PCDHA5: variants seen among roughly 807,000 people sequenced by gnomAD.
PCDHA5 encodes protocadherin alpha 5.
Under a neutral mutation model 61.6 loss-of-function variants are expected in PCDHA5, and 43 were observed. The ratio of observed to expected loss-of-function variants is 0.70; its 90% CI spans 0.55 to 0.90. The LOEUF is 0.90. Ranked by LOEUF, PCDHA5 falls within the 40% of genes least tolerant of loss-of-function variation. PCDHA5 has a pLI of 0.00. For synonymous variants in PCDHA5, 627 were observed against 543.9 expected (o/e 1.15, Z -2.13); for missense variants, 1,298 against 1,222.7 (o/e 1.06, Z -0.92).
Position 141,011,434 on chromosome 5 carries a change from C to A in PCDHA5, c.*1497C>A, listed in dbSNP as rs934032017. 6.5e-6 allele frequency: 1 copy of A among 153,726 alleles called. No homozygotes were observed. Among genetic ancestry groups the A allele is most frequent in the African/African-American group, 2.4e-5 (1 of 41,446 alleles). The allele number at this position is 153,726 out of a possible 1,614,324, so 9.5% of individuals were successfully genotyped here. The stretch of plus-strand genomic sequence containing the variant: ...ATGTGAATGTTAATGCAACTATTAC[C>A]TAGAGTGAACTTTAAGCTTTATTGT... On this transcript the variant is annotated 3_prime_UTR_variant, in exon 4 of 4. Transcript: ENST00000529859.
At chr5:140,830,346 A>T in intron 1 of PCDHA5, 2 of 1,614,054 alleles carry the variant, frequency 1.2e-6, no homozygotes, top group Non-Finnish European at 1.7e-6. Flanking sequence ...TCGTACTCGC[A>T]GCAGAGGCGG....
At chr5:140,839,365 G>C (rs2150296771) in intron 1 of PCDHA5, among the ~76,000 whole-genome samples, 4 of 116,060 alleles carry the variant, frequency 3.4e-5, no homozygotes, top group East Asian at 2.4e-4. Flanking sequence ...CACCTAAGCT[G>C]TATTCATCAA....
At chr5:140,902,331 C>A (rs1271812504) in intron 1 of PCDHA5, among the ~76,000 whole-genome samples, 1 of 151,712 alleles carries the variant, frequency 6.6e-6, no homozygotes, top group African/African-American at 2.4e-5. Flanking sequence ...ACTCACTTCG[C>A]CTGGCCTAGG....
chr5:140,972,479 C>G (rs782631191), intron 1 of PCDHA5, among the ~76,000 whole-genome samples: 1 of 151,994 alleles, frequency 6.6e-6, no homozygotes, highest in Non-Finnish European at 1.5e-5. Flanking sequence ...CAGCATTTAA[C>G]CCCAGACTCT....
At chr5:140,867,456 T>G (rs1035822606) in intron 1 of PCDHA5, 8 of 152,272 alleles carry the variant, frequency 5.3e-5, no homozygotes, top group African/African-American at 1.9e-4. Context: ...AGAGTTCTAG[T>G]GTTATGACAA....
chr5:140,945,813 C>T (rs10477097), intron 1 of PCDHA5, among the ~76,000 whole-genome samples: 2 of 152,084 alleles, frequency 1.3e-5, no homozygotes, highest in East Asian at 3.8e-4. Flanking sequence ...TTATCTCACA[C>T]TGTATACAAA....
chr5:140,827,166 C>T (rs1377464417), intron 1 of PCDHA5, among the ~76,000 whole-genome samples: 2 of 151,954 alleles, frequency 1.3e-5, no homozygotes, highest in Non-Finnish European at 2.9e-5. Context: ...TTTGTAAATA[C>T]CTCAATAAAA....
At chr5:140,884,115 T>C (rs782303871) in intron 1 of PCDHA5, 2 of 1,613,170 alleles carry the variant, frequency 1.2e-6, no homozygotes, top group African/African-American at 2.7e-5. Context: ...CTGGCGGCGG[T>C]CGGCGCGCGC....
At position 140,842,992 on chromosome 5, in the gene PCDHA5, C is replaced by G. The variant is rs144435690; in HGVS notation, c.2352+18865C>G. On this transcript the variant is annotated intron_variant, in intron 1 of 3. Coordinates refer to ENST00000529859, the MANE Select transcript of PCDHA5 (RefSeq NM_018908.3). The stretch of plus-strand genomic sequence containing the variant: ...TGACGCTGCAGGTGTTCGTGCTGGA[C>G]GAGAATGACAACGCGCCGGCACTGC... 42 of 1,594,970 alleles carry G rather than the reference C, an allele frequency of 2.6e-5. 1 individual carries two copies. In the African/African-American group the frequency reaches 5.2e-4, roughly 20 times the overall value.
intron 1 of PCDHA5, among the ~76,000 whole-genome samples, chr5:140,893,840 T>C (rs548325710): frequency 6.6e-6 from 1 of 152,312 alleles, no homozygotes; most frequent in Non-Finnish European, 1.5e-5. Flanking sequence ...GCCATCCTGA[T>C]GCCCTACCTC....
chr5:140,863,150 AC>A (rs1554157831), intron 1 of PCDHA5: 2 of 619,160 alleles, frequency 3.2e-6, no homozygotes, highest in Non-Finnish European at 6.2e-6. Context: ...CTGGTGAAGG[AC>A]CACTGCGAGC....
chr5:140,849,263 T>C, intron 1 of PCDHA5: 3 of 1,126,864 alleles, frequency 2.7e-6, no homozygotes, highest in African/African-American at 1.9e-5. Context: ...AAAACGTTTC[T>C]ATCGGAACGC....
At chr5:140,926,775 G>A (rs1563083910) in intron 1 of PCDHA5, 7 of 1,391,106 alleles carry the variant, frequency 5.0e-6, no homozygotes, top group East Asian at 2.6e-5. Context: ...GCCCGCAGCA[G>A]TGACGGCCGG....
At chr5:140,856,729 G>A (rs1554149028) in intron 1 of PCDHA5, 1 of 1,595,444 alleles carries the variant, frequency 6.3e-7, no homozygotes, top group African/African-American at 1.3e-5. Flanking sequence ...CTGTTTCTCT[G>A]CTGATCCTGG....
chr5:140,983,100 T>C (rs2097027056), intron 3 of PCDHA5, among the ~76,000 whole-genome samples: 1 of 152,232 alleles, frequency 6.6e-6, no homozygotes, highest in African/African-American at 2.4e-5. Flanking sequence ...AATCTGCTTC[T>C]CTCTGCACAT....
intron 3 of PCDHA5, among the ~76,000 whole-genome samples, chr5:141,006,916 A>G (rs111263219): frequency 0.011 from 1,648 of 152,304 alleles, 31 homozygotes; most frequent in African/African-American, 0.038. Context: ...TGGGATGCCC[A>G]TGAGATTTCC....
At chr5:140,970,009 A>G (rs2096376687) in intron 1 of PCDHA5, among the ~76,000 whole-genome samples, 2 of 152,174 alleles carry the variant, frequency 1.3e-5, no homozygotes, top group African/African-American at 4.8e-5. Flanking sequence ...GGAGTGGATG[A>G]TGGTGAGGCA....
chr5:140,845,841 A>C (rs1160077154), intron 1 of PCDHA5, among the ~76,000 whole-genome samples: 1 of 149,848 alleles, frequency 6.7e-6, no homozygotes, highest in African/African-American at 2.4e-5. Flanking sequence ...CATTCTTAAG[A>C]GAAAAGAAGT....
chr5:140,918,625 C>T (rs1365715302), intron 1 of PCDHA5, among the ~76,000 whole-genome samples: 2 of 152,086 alleles, frequency 1.3e-5, no homozygotes, highest in Non-Finnish European at 2.9e-5. Context: ...TTTGTGTTCC[C>T]CAAATTCATA....
Sources: gnomAD v4.1 joint callset for allele counts (sites outside exome capture counted in the v4.1 genomes callset) on GRCh38, gnomAD v4.1.1 for gene constraint, MANE v1.5 for transcripts, NCBI Gene and HGNC (gene_info 2026-07-23, HGNC 2026-07-21) for gene names.